SSPN: variants seen among roughly 807,000 people sequenced by gnomAD.
SSPN encodes the protein sarcospan, also known as K-ras oncogene-associated protein.
A neutral mutation model predicts 19.1 loss-of-function variants in SSPN; 15 were observed. The observed-to-expected ratio is 0.78, with a 90% CI of 0.52 to 1.21. The LOEUF is 1.21. Among genes scored for constraint, SSPN ranks in the 50% most tolerant of loss-of-function variants. SSPN has a pLI of 0.00. For missense variants in SSPN, 291 were observed against 314.0 expected (o/e 0.93, Z 0.55); for synonymous variants, 147 against 140.3 (o/e 1.05, Z -0.34).
In SSPN at chr12:26,231,979, C is replaced by A; in HGVS notation, c.*903C>A. The A allele has an allele frequency of 1.0e-6, 1 of 981,208 alleles. No homozygotes were observed. Among genetic ancestry groups the A allele is most frequent in the Non-Finnish European group, 1.2e-6 (1 of 829,284 alleles). The allele number at this position is 981,208 out of a possible 1,614,324, so 60.8% of individuals were successfully genotyped here. A position where few individuals can be genotyped will look rare whatever the true frequency, so the allele number is the denominator to read the frequency against. On this transcript the variant is annotated 3_prime_UTR_variant, in exon 3 of 3. Transcript: ENST00000242729. Reference sequence around the variant, plus strand: ...TCACAAGAGCAGAGGCCTGAAGATTCTTTCTTCTGAAAGCCAAGCACCACA... The same window carrying A: ...TCACAAGAGCAGAGGCCTGAAGATTATTTCTTCTGAAAGCCAAGCACCACA...
At chr12:26,222,690 A>G (rs1945134708) in intron 1 of SSPN, among the ~76,000 whole-genome samples, 1 of 152,208 alleles carries the variant, frequency 6.6e-6, no homozygotes, top group South Asian at 2.1e-4. Flanking sequence ...TTGAATGTGA[A>G]TAGATATACT....
At chr12:26,201,037 ATATATATAT>A (rs1176920986) in intron 1 of SSPN, among the ~76,000 whole-genome samples, 5 of 60,642 alleles carry the variant, frequency 8.2e-5, no homozygotes, top group African/African-American at 3.3e-4. Context: ...ATATATATAT[ATATATATAT>A]TATATATATA....
intron 1 of SSPN, among the ~76,000 whole-genome samples, chr12:26,155,100 C>T (rs1387594797): frequency 2.6e-5 from 4 of 152,088 alleles, no homozygotes; most frequent in Admixed American, 6.5e-5. Flanking sequence ...AAAGCAAAAC[C>T]ATGTTCTATG....
At chr12:26,122,642 G>A in intron 1 of SSPN, 2 of 1,308,390 alleles carry the variant, frequency 1.5e-6, no homozygotes, top group Non-Finnish European at 9.8e-7. Context: ...CCCCCGGGCC[G>A]CCGCCGCTGC....
At chr12:26,156,389 G>A (rs908176397) in intron 1 of SSPN, among the ~76,000 whole-genome samples, 1 of 152,194 alleles carries the variant, frequency 6.6e-6, no homozygotes, top group Non-Finnish European at 1.5e-5. Flanking sequence ...CATCTACCTC[G>A]AATGGTGGGG....
chr12:26,151,846 G>A (rs752403037), intron 1 of SSPN, among the ~76,000 whole-genome samples: 4 of 152,130 alleles, frequency 2.6e-5, no homozygotes, highest in Admixed American at 6.6e-5. Context: ...GTGCCCCTGC[G>A]TGGTAGAAAA....
At chr12:26,153,654 T>C (rs888695906) in intron 1 of SSPN, among the ~76,000 whole-genome samples, 17 of 152,226 alleles carry the variant, frequency 1.1e-4, no homozygotes, top group Admixed American at 3.3e-4. Context: ...TACAGAGGCT[T>C]GCAGTCAGTG....
intron 1 of SSPN, among the ~76,000 whole-genome samples, chr12:26,178,254 T>A (rs1409763687): frequency 6.6e-6 from 1 of 152,214 alleles, no homozygotes; most frequent in East Asian, 1.9e-4. Context: ...TTGGGTAAAT[T>A]ATTTAACTTC....
intron 1 of SSPN, among the ~76,000 whole-genome samples, chr12:26,137,578 T>A (rs1944432779): frequency 6.7e-6 from 1 of 149,008 alleles, no homozygotes; most frequent in Non-Finnish European, 1.5e-5. Flanking sequence ...CCAATAAATA[T>A]GTCACTACCT....
chr12:26,146,803 CAG>C (rs1591849097), intron 1 of SSPN, among the ~76,000 whole-genome samples: 1 of 68,484 alleles, frequency 1.5e-5, no homozygotes, highest in East Asian at 6.1e-4. Context: ...GCCTGGGCGA[CAG>C]AGCAAGGCTG....
chr12:26,190,886 C>A (rs952745063), upstream of SSPN, among the ~76,000 whole-genome samples: 3 of 152,194 alleles, frequency 2.0e-5, no homozygotes, highest in Non-Finnish European at 4.4e-5. Context: ...ACTTCCATCA[C>A]CCAGAAAGTC....
At chr12:26,126,619 C>T (rs972458232) in intron 1 of SSPN, 5 of 152,136 alleles carry the variant, frequency 3.3e-5, no homozygotes, top group African/African-American at 9.7e-5. Flanking sequence ...GTCGCGTCTC[C>T]TCCCCGACTC....
intron 2 of SSPN, among the ~76,000 whole-genome samples, chr12:26,227,544 C>T (rs1945190458): frequency 6.6e-6 from 1 of 152,166 alleles, no homozygotes; most frequent in African/African-American, 2.4e-5. Context: ...GCCAAGAATG[C>T]ATTGTTACTC....
chr12:26,195,399 G>C, upstream of SSPN: 1 of 410,854 alleles, frequency 2.4e-6, no homozygotes, highest in Non-Finnish European at 4.0e-6. Context: ...CAAGGGACCC[G>C]CGCCGGTTTC....
chr12:26,175,347 T>G (rs1944677514), intron 1 of SSPN, among the ~76,000 whole-genome samples: 1 of 152,244 alleles, frequency 6.6e-6, no homozygotes, highest in African/African-American at 2.4e-5. Flanking sequence ...TCTTCTCTTG[T>G]GAAGTGTCTG....
At chr12:26,141,497 C>A (rs1212119287) in intron 1 of SSPN, among the ~76,000 whole-genome samples, 1 of 152,154 alleles carries the variant, frequency 6.6e-6, no homozygotes, top group African/African-American at 2.4e-5. Context: ...GTTAGCATGG[C>A]CACAGAAAAC....
At position 26,195,643 on chromosome 12, in the gene SSPN, A is replaced by ACCACCCC; in HGVS notation, c.-28_-27insACCCCCC. On this transcript the variant is annotated 5_prime_UTR_variant, in exon 1 of 3. Coordinates refer to ENST00000242729, the MANE Select transcript of SSPN (RefSeq NM_005086.5). ...CCAGGGCCCAGGGCGCCGCACACGC[A>ACCACCCC]CCCACCCACCCACCCAGCCTCGCAG... 4.1e-6 allele frequency: 1 copy of ACCACCCC among 242,024 alleles called. No individual in the cohort carries two copies. Among genetic ancestry groups the ACCACCCC allele is most frequent in the South Asian group, 6.4e-5 (1 of 15,712 alleles). The allele number at this position is 242,024 out of a possible 1,614,324, so 15.0% of individuals were successfully genotyped here.
chr12:26,185,621 A>G (rs1437727560), intron 1 of SSPN, among the ~76,000 whole-genome samples: 1 of 152,216 alleles, frequency 6.6e-6, no homozygotes, highest in Non-Finnish European at 1.5e-5. Context: ...AGTTGAGGTC[A>G]GTCTGAGATA....
intron 1 of SSPN, chr12:26,122,641 C>G: frequency 7.7e-7 from 1 of 1,303,626 alleles, no homozygotes; most frequent in East Asian, 3.1e-5. Context: ...CCCCCCGGGC[C>G]GCCGCCGCTG....
Sources: allele counts gnomAD v4.1 joint callset (sites outside exome capture counted in the v4.1 genomes callset), GRCh38; gene constraint gnomAD v4.1.1; transcripts MANE v1.5; gene names NCBI Gene and HGNC (gene_info 2026-07-23, HGNC 2026-07-21).